The following RGP1 variants were observed in gnomAD, a reference collection of about 807,000 sequenced individuals.
RGP1 encodes RAB6A-GEF complex partner protein 2.
RGP1 carries 28 observed loss-of-function variants against 44.5 expected under a neutral mutation model. The observed-to-expected ratio is 0.63, with a 90% CI of 0.47 to 0.86. The LOEUF (loss-of-function observed/expected upper bound fraction) is 0.86. RGP1 is among the 40% of genes least tolerant of loss of function. The pLI is 0.00. For synonymous variants in RGP1, 212 were observed against 196.7 expected (o/e 1.08, Z -0.65); for missense variants, 417 against 490.7 (o/e 0.85, Z 1.42).
rs1415798741 is a variant in RGP1, at chr9:35,755,921, A to C, written c.*3047A>C. On this transcript the variant is annotated 3_prime_UTR_variant, in exon 9 of 9. Coordinates refer to ENST00000378078, the MANE Select transcript of RGP1 (RefSeq NM_001080496.3). ...ATGTCTAGTTTGAGAAACTGTTCCC[A>C]ATAAGCCTTCTTCCCCCAGATCTGC... 1 of 152,240 alleles carries C rather than the reference A, an allele frequency of 6.6e-6. No homozygotes were observed. Among genetic ancestry groups the C allele is most frequent in the African/African-American group, 2.4e-5 (1 of 41,436 alleles). The allele number at this position is 152,240 out of a possible 1,614,324, so 9.4% of individuals were successfully genotyped here.
Position 35,756,724 on chromosome 9 carries a change from AG to A in RGP1, c.*3855del, listed in dbSNP as rs1827363059. On this transcript the variant is annotated 3_prime_UTR_variant, in exon 9 of 9. Coordinates refer to ENST00000378078, the MANE Select transcript of RGP1 (RefSeq NM_001080496.3). ...TCTTGCAAGCTAGAGCCAGCCCAATAGGGGGCGGATGTGAGTGGGGAGCTGG... is the reference window on the plus strand; with the variant it reads ...TCTTGCAAGCTAGAGCCAGCCCAATAGGGGCGGATGTGAGTGGGGAGCTGG... 1 of 151,824 alleles carries A rather than the reference AG, an allele frequency of 6.6e-6. No homozygotes were observed. The highest frequency in any genetic ancestry group is 6.6e-5 in the Admixed American group (1 of 15,264). 9.4% of individuals were successfully genotyped at this position (151,824 alleles called of 1,614,324 possible). A position where few individuals can be genotyped will look rare whatever the true frequency, so the allele number is the denominator to read the frequency against.
chr9:35,776,452 A>G, the RGP1 span, among the ~76,000 whole-genome samples: 17 of 151,594 alleles, frequency 1.1e-4, no homozygotes, highest in South Asian at 3.6e-3. Context: ...ATGCCTGGCT[A>G]ATTTTTGTAT....
At chr9:35,780,264 C>G in the RGP1 span, 38 of 152,306 alleles carry the variant, frequency 2.5e-4, no homozygotes, top group African/African-American at 8.9e-4. Flanking sequence ...CTCTCCACCG[C>G]AGGTTCCTTA....
Position 35,752,688 on chromosome 9 carries a change from G to T in RGP1, c.990G>T (p.Thr330=). The T allele has an allele frequency of 6.2e-7, 1 of 1,613,090 alleles. No homozygotes were observed. Among genetic ancestry groups the T allele is most frequent in the Non-Finnish European group, 8.5e-7 (1 of 1,179,584 alleles). ...LKWRLHFEFV[T]SREPGLVLLP... is the part of the protein sequence containing the mutation. ...GGAGATTGCATTTTGAATTTGTAAC[G>T]TCCCGAGAACCAGGATTGGTACTCC... Residue 330 remains threonine (T), a synonymous_variant, in exon 9 of 9, where the codon ACG becomes ACT. Transcript: ENST00000378078.
Position 35,753,704 on chromosome 9 carries a change from G to A in RGP1, c.*830G>A, listed in dbSNP as rs1363887018. ...CAACAGGATGCAGACAGGTGCAATG[G>A]AAACAGTCCTTGCGGAGCCAAGACT... On this transcript the variant is annotated 3_prime_UTR_variant, in exon 9 of 9. Transcript: ENST00000378078. This position sits in a 1 kb window ranked among gnomAD's most constrained non-coding sequence, Gnocchi z 4.2. 1 of 1,614,134 alleles carries A rather than the reference G, an allele frequency of 6.2e-7. No homozygotes were observed. The highest frequency in any genetic ancestry group is 8.5e-7 in the Non-Finnish European group (1 of 1,180,020).
At chr9:35,776,168 CCT>C in the RGP1 span, among the ~76,000 whole-genome samples, 1 of 152,110 alleles carries the variant, frequency 6.6e-6, no homozygotes, top group Non-Finnish European at 1.5e-5. Flanking sequence ...TCAAATTACT[CCT>C]CTGTTTTTCT....
rs896224110 is a variant in RGP1 at position 35,754,794 on chromosome 9, G to C, written c.*1920G>C. The C allele has an allele frequency of 3.3e-5, 5 of 152,272 alleles. No homozygotes were observed. The highest frequency in any genetic ancestry group is 2.6e-4 in the Admixed American group (4 of 15,286). 9.4% of individuals were successfully genotyped at this position (152,272 alleles called of 1,614,324 possible). The stretch of plus-strand genomic sequence containing the variant: ...GTTTCCCTAATGTATCCAAGAAATA[G>C]GGCTGCCCCTCAGAGATGGTGGGGA... On this transcript the variant is annotated 3_prime_UTR_variant, in exon 9 of 9. Coordinates refer to ENST00000378078, the MANE Select transcript of RGP1 (RefSeq NM_001080496.3).
rs375708990 is a variant in RGP1, at chr9:35,753,626, G to A, written c.*752G>A. 1.1e-4 allele frequency: 168 copies of A among 1,532,898 alleles called. 1 individual carries two copies. The highest frequency in any genetic ancestry group is 1.4e-4 in the Non-Finnish European group (154 of 1,108,822). The allele number at this position is 1,532,898 out of a possible 1,614,324, so 95.0% of individuals were successfully genotyped here. A position where few individuals can be genotyped will look rare whatever the true frequency, so the allele number is the denominator to read the frequency against. On this transcript the variant is annotated 3_prime_UTR_variant, in exon 9 of 9. Coordinates refer to ENST00000378078, the MANE Select transcript of RGP1 (RefSeq NM_001080496.3). The surrounding 1 kb of genome is among the most constrained non-coding windows in gnomAD (Gnocchi z 4.2). ...GGTCATCCCTCAGTCACTCATATCA[G>A]AGTCATTCTCTCTGGCCATCTTTGG...
chr9:35,759,677 G>A (rs938864935), downstream of RGP1, among the ~76,000 whole-genome samples: 1 of 150,500 alleles, frequency 6.6e-6, no homozygotes, highest in Non-Finnish European at 1.5e-5. Flanking sequence ...TAAAACCAAG[G>A]TGCATTTTTC....
Position 35,751,158 on chromosome 9 carries a change from C to T in RGP1, c.488-108C>T, listed in dbSNP as rs982675171. ...TGGAGATAGAGATGTAAACCTCAGC[C>T]CTGGCACCCCTTACCTTTAGCCATC... On this transcript the variant is annotated intron_variant, in intron 5 of 8. Transcript: ENST00000378078. 22 of 1,475,802 alleles carry T rather than the reference C, an allele frequency of 1.5e-5. No homozygotes were observed. The African/African-American group carries it at 2.8e-4, about 19-fold the overall frequency. The allele number at this position is 1,475,802 out of a possible 1,614,324, so 91.4% of individuals were successfully genotyped here.
At chr9:35,781,739 T>C in the RGP1 span, among the ~76,000 whole-genome samples, 6 of 151,992 alleles carry the variant, frequency 3.9e-5, no homozygotes, top group Non-Finnish European at 8.8e-5. Context: ...TATATATAAA[T>C]ATATATATAA....
In RGP1 at chr9:35,751,482, C is replaced by T. The variant is rs748331486; in HGVS notation, c.634+70C>T. On this transcript the variant is annotated intron_variant, in intron 6 of 8. Coordinates refer to ENST00000378078, the MANE Select transcript of RGP1 (RefSeq NM_001080496.3). ...TGTTTTCCCATCTCAGAGACAGTCT[C>T]CTAACCACCACACACTTCTGTGGAT... The T allele has an allele frequency of 4.4e-6, 7 of 1,604,318 alleles. No individual in the cohort carries two copies. The Admixed American group carries it at 5.0e-5, about 12-fold the overall frequency.
chr9:35,763,881 C>CAAAAAAA, the RGP1 span, among the ~76,000 whole-genome samples: 9 of 81,838 alleles, frequency 1.1e-4, no homozygotes, highest in Non-Finnish European at 1.6e-4. Flanking sequence ...GACTCCATCT[C>CAAAAAAA]AAAAAAAAAA....
the RGP1 span, among the ~76,000 whole-genome samples, chr9:35,775,875 A>G: frequency 6.6e-6 from 1 of 152,338 alleles, no homozygotes; most frequent in South Asian, 2.1e-4. Context: ...AATAATTACC[A>G]TAATAATGGA....
chr9:35,774,165 T>G, the RGP1 span, among the ~76,000 whole-genome samples: 20 of 152,302 alleles, frequency 1.3e-4, no homozygotes, highest in African/African-American at 3.6e-4. Context: ...CGGTTTTCGT[T>G]GAATGTACAT....
the RGP1 span, among the ~76,000 whole-genome samples, chr9:35,769,607 C>A: frequency 6.6e-6 from 1 of 152,196 alleles, no homozygotes; most frequent in East Asian, 1.9e-4. Context: ...GTGCTGTGAT[C>A]TAATAATGAT....
chr9:35,766,907 G>C, the RGP1 span, among the ~76,000 whole-genome samples: 2 of 152,186 alleles, frequency 1.3e-5, no homozygotes, highest in Non-Finnish European at 2.9e-5. Flanking sequence ...CAATGTCCTT[G>C]CTCCCTTGGA....
At chr9:35,764,819 A>C in the RGP1 span, among the ~76,000 whole-genome samples, 1 of 152,164 alleles carries the variant, frequency 6.6e-6, no homozygotes, top group East Asian at 1.9e-4. Flanking sequence ...ATATTTATTC[A>C]TGTTTTTATG....
chr9:35,765,355 T>A, the RGP1 span, among the ~76,000 whole-genome samples: 1 of 152,090 alleles, frequency 6.6e-6, no homozygotes, highest in African/African-American at 2.4e-5. Flanking sequence ...AATGTTTTAC[T>A]TGATAAATAA....
Sources: allele counts gnomAD v4.1 joint callset (sites outside exome capture counted in the v4.1 genomes callset), GRCh38; gene constraint gnomAD v4.1.1; non-coding constraint Gnocchi (gnomAD v3.1); transcripts MANE v1.5; gene names NCBI Gene and HGNC (gene_info 2026-07-23, HGNC 2026-07-21).